Variants in ZC3H11A observed in about 807,000 individuals in gnomAD.
ZC3H11A encodes zinc finger CCCH domain-containing protein 11A.
ZC3H11A carries 22 observed loss-of-function variants against 90.8 expected under a neutral mutation model. The ratio of observed to expected loss-of-function variants is 0.24; its 90% CI spans 0.17 to 0.35. The LOEUF is 0.35. ZC3H11A is among the 10% of genes least tolerant of loss of function. The pLI, the probability that ZC3H11A is intolerant of heterozygous loss-of-function variation, is 1.00. For synonymous variants in ZC3H11A, 294 were observed against 339.8 expected, an observed-to-expected ratio of 0.87 and a Z score of 1.48; for missense variants, 701 against 964.9, an observed-to-expected ratio of 0.73 and a Z score of 3.62.
At chr1:203,838,359 A>G (rs1269487728) in intron 11 of ZC3H11A, among the ~76,000 whole-genome samples, 2 of 152,362 alleles carry the variant, frequency 1.3e-5, no homozygotes, top group East Asian at 3.9e-4. Flanking sequence ...GGTAACACAT[A>G]GGAGAGGCAT....
rs542524332 is a variant in ZC3H11A at position 203,828,171 on chromosome 1, A to G, written c.175-128A>G. The G allele has an allele frequency of 1.7e-3, 1,765 of 1,058,776 alleles. 34 individuals carry two copies. In the South Asian group the frequency reaches 0.027, roughly 16 times the overall value. 65.6% of individuals were successfully genotyped at this position (1,058,776 alleles called of 1,614,324 possible). On this transcript the variant is annotated intron_variant, in intron 4 of 17. Coordinates refer to ENST00000367210, the MANE Select transcript of ZC3H11A (RefSeq NM_001376342.1). ...ATTTTCAGCAATCTCTCTTCCTTCTAAAAATCATCTCATCTCACATGCCTC... is the reference window on the plus strand; with the variant it reads ...ATTTTCAGCAATCTCTCTTCCTTCTGAAAATCATCTCATCTCACATGCCTC...
chr1:203,823,431 T>C (rs540203731), intron 4 of ZC3H11A, among the ~76,000 whole-genome samples: 16 of 152,346 alleles, frequency 1.1e-4, no homozygotes, highest in South Asian at 2.1e-4. Context: ...GTGCTAGCCA[T>C]ATAAGCACTC....
Position 203,850,025 on chromosome 1 carries a change from A to G in ZC3H11A, c.1938A>G (p.Lys646=), listed in dbSNP as rs1412350518. ...CACAGACCTTGGAAAAAAGGGGTAA[A>G]GGCAAGTATTTCTATACTGTGTATT... The part of the protein sequence containing the change: ...CAAQTLEKRG[K]AKPKVNVKPS... Residue 646 remains lysine (K), a splice_region_variant and synonymous_variant, in exon 15 of 18, where the codon AAA becomes AAG. Coordinates refer to ENST00000367210, the MANE Select transcript of ZC3H11A (RefSeq NM_001376342.1). 1 of 1,613,784 alleles carries G rather than the reference A, an allele frequency of 6.2e-7. No individual in the cohort carries two copies. The highest frequency in any genetic ancestry group is 8.5e-7 in the Non-Finnish European group (1 of 1,180,002).
At chr1:203,820,512 C>T (rs984379312) in intron 4 of ZC3H11A, among the ~76,000 whole-genome samples, 48 of 131,068 alleles carry the variant, frequency 3.7e-4, no homozygotes, top group Admixed American at 1.2e-3. Context: ...GAGTCTCGCG[C>T]TGTTACCCAG....
At chr1:203,818,988 G>A (rs1040430502) in intron 4 of ZC3H11A, among the ~76,000 whole-genome samples, 13 of 150,984 alleles carry the variant, frequency 8.6e-5, no homozygotes, top group Non-Finnish European at 1.5e-4. Context: ...AAAATCGCTC[G>A]AACCAGGGAG....
chr1:203,848,514 A>C, intron 14 of ZC3H11A, 107 bp downstream of exon 14: 2 of 764,270 alleles, frequency 2.6e-6, no homozygotes, highest in Non-Finnish European at 4.3e-6. Context: ...TATATTAGGT[A>C]AACAGTCTTT....
intron 2 of ZC3H11A, among the ~76,000 whole-genome samples, chr1:203,811,623 A>G (rs546681161): frequency 5.9e-5 from 9 of 151,918 alleles, no homozygotes; most frequent in Non-Finnish European, 1.2e-4. Flanking sequence ...ATTCTTGTAC[A>G]TTAGCCTCCC....
intron 2 of ZC3H11A, chr1:203,806,203 A>G (rs1047439538): frequency 1.4e-5 from 6 of 439,318 alleles, no homozygotes; most frequent in South Asian, 5.5e-5. Context: ...CACCATGCCA[A>G]TGCAGTCATT....
chr1:203,802,769 A>AC lies in ZC3H11A; in HGVS notation c.-390dup, dbSNP rs1189420286. ...TGTTTTGTTTTTGAGGAGATAACTA[A>AC]CCCTAGCTGTCTCCAGTCTGACAAA... is the stretch of plus-strand genomic sequence containing the variant. On this transcript the variant is annotated 5_prime_UTR_variant, in exon 2 of 18. Transcript: ENST00000367210. 1 of 150,608 alleles carries AC rather than the reference A, an allele frequency of 6.6e-6. No homozygotes were observed. Among genetic ancestry groups the AC allele is most frequent in the Non-Finnish European group, 1.5e-5 (1 of 67,730 alleles). The allele number at this position is 150,608 out of a possible 1,614,324, so 9.3% of individuals were successfully genotyped here.
intron 12 of ZC3H11A, 62 bp from the exon 13 acceptor site, chr1:203,847,122 A>C (rs1158814824): frequency 6.4e-7 from 1 of 1,568,136 alleles, no homozygotes; most frequent in Non-Finnish European, 8.7e-7. Flanking sequence ...GAATAGAGAG[A>C]TCATAAGTCA....
intron 2 of ZC3H11A, among the ~76,000 whole-genome samples, chr1:203,813,208 GT>G (rs1343119549): frequency 6.6e-6 from 1 of 150,908 alleles, no homozygotes; most frequent in Admixed American, 6.6e-5. Flanking sequence ...TTTGTTTTTT[GT>G]TTTTTGTTTT....
chr1:203,845,254 T>C (rs1013543106), intron 12 of ZC3H11A, among the ~76,000 whole-genome samples: 6 of 152,242 alleles, frequency 3.9e-5, no homozygotes, highest in Non-Finnish European at 5.9e-5. Context: ...TTTAATGTTT[T>C]ATCATTTCAA....
rs761384405 is a variant in ZC3H11A, at chr1:203,852,390, T to G, written c.2424T>G (p.Ile808Met). The G allele has an allele frequency of 1.2e-6, 2 of 1,613,794 alleles. No homozygotes were observed. The highest frequency in any genetic ancestry group is 1.7e-6 in the Non-Finnish European group (2 of 1,179,850). ...DDLLLELSEM[I>M]DS ...TTCTGCTTGAGCTATCAGAAATGAT[T>G]GATAGCTGAAGGTGGTAGTGAGGAC... The change falls in exon 18 of 18, where the codon ATT becomes ATG. Residue 808 changes from isoleucine (I) to methionine (M), a missense_variant. Physicochemically the swap from Ile to Met is conservative, Grantham distance 10. Coordinates refer to ENST00000367210, the MANE Select transcript of ZC3H11A (RefSeq NM_001376342.1).
chr1:203,835,891 T>A, intron 10 of ZC3H11A: 1 of 242,774 alleles, frequency 4.1e-6, no homozygotes, highest in Non-Finnish European at 8.9e-6. Flanking sequence ...AAAATGCCCT[T>A]GGACCACAGC....
intron 4 of ZC3H11A, among the ~76,000 whole-genome samples, chr1:203,825,129 T>TGA (rs1680103784): frequency 6.7e-6 from 1 of 150,346 alleles, no homozygotes; most frequent in Admixed American, 6.6e-5. Context: ...TGTTCAAGTG[T>TGA]GAGTTACAGT....
chr1:203,834,745 G>A lies in ZC3H11A; in HGVS notation c.874+892G>A, dbSNP rs533385272. Among the ~76,000 whole-genome samples, 53 of 152,230 alleles carry A rather than the reference G, an allele frequency of 3.5e-4. 1 individual carries two copies. The highest frequency in any genetic ancestry group is 1.3e-3 in the African/African-American group (53 of 41,540). On this transcript the variant is annotated intron_variant, in intron 10 of 17. Transcript: ENST00000367210. Reference sequence around the variant, plus strand: ...GCTCACTGCAACCTCCACCTCCTGGGTTCAAGTGATTCTCCTGCCTCAGCC... The same window carrying A: ...GCTCACTGCAACCTCCACCTCCTGGATTCAAGTGATTCTCCTGCCTCAGCC...
chr1:203,798,458 C>G, intron 1 of ZC3H11A: 1 of 1,536,068 alleles, frequency 6.5e-7, no homozygotes, highest in Non-Finnish European at 8.7e-7. Flanking sequence ...ACCTGCAAGC[C>G]ACACATCCTA....
chr1:203,832,276 G>A (rs1257905536), intron 9 of ZC3H11A, among the ~76,000 whole-genome samples: 1 of 152,014 alleles, frequency 6.6e-6, no homozygotes, highest in Non-Finnish European at 1.5e-5. Context: ...GGTCTGGCTG[G>A]TCTCAAACTC....
chr1:203,802,711 ACT>A lies in ZC3H11A; in HGVS notation c.-448_-447del, dbSNP rs1670894971. On this transcript the variant is annotated 5_prime_UTR_variant, in exon 2 of 18. An upstream open reading frame in the 5' UTR loses its in-frame stop. Coordinates refer to ENST00000367210, the MANE Select transcript of ZC3H11A (RefSeq NM_001376342.1). The stretch of plus-strand genomic sequence containing the variant: ...AACTCTCAAGTTCATCTTTAAATGA[ACT>A]CTTTTTTTTTGTTTTTTTTTTGTTT... 2.4e-5 allele frequency: 2 copies of A among 82,796 alleles called. No individual in the cohort carries two copies. The highest frequency in any genetic ancestry group is 2.8e-4 in the Admixed American group (2 of 7,124). The allele number at this position is 82,796 out of a possible 1,614,324, so 5.1% of individuals were successfully genotyped here.
Sources: gnomAD v4.1 joint callset for allele counts (sites outside exome capture counted in the v4.1 genomes callset) on GRCh38, gnomAD v4.1.1 for gene constraint, MANE v1.5 for transcripts, NCBI Gene and HGNC (gene_info 2026-07-23, HGNC 2026-07-21) for gene names.